NCBP2AS2: variants seen among roughly 807,000 people sequenced by gnomAD.
NCBP2AS2 encodes the protein protein NCBP2AS2.
For synonymous variants in NCBP2AS2, 67 were observed against 28.0 expected, an observed-to-expected ratio of 2.39 and a Z score of -4.40; for missense variants, 125 against 56.0, an observed-to-expected ratio of 2.23 and a Z score of -3.93.
At position 196,943,141 on chromosome 3, in the gene NCBP2AS2, A is replaced by C. The variant is rs541136966; in HGVS notation, c.*125A>C. On this transcript the variant is annotated 3_prime_UTR_variant, in exon 1 of 1. Coordinates refer to ENST00000602845, the MANE Select transcript of NCBP2AS2 (RefSeq NM_001355243.2). Reference sequence around the variant, plus strand: ...ATCCCGACTGGGATTGTTGGCCTGCAGACATCCCACGCATAAGAGCCTAGG... The same window carrying C: ...ATCCCGACTGGGATTGTTGGCCTGCCGACATCCCACGCATAAGAGCCTAGG... 1.9e-5 allele frequency: 11 copies of C among 588,970 alleles called. 1 individual carries two copies. In the South Asian group the frequency reaches 2.2e-4, roughly 12 times the overall value. The allele number at this position is 588,970 out of a possible 1,614,324, so 36.5% of individuals were successfully genotyped here.
chr3:196,942,867 C>G lies in NCBP2AS2; in HGVS notation c.151C>G (p.Leu51Val), dbSNP rs754372730. Residue 51 changes from leucine to valine, a missense_variant, in exon 1 of 1, where the codon CTG (leucine) becomes GTG (valine). Physicochemically the swap from Leu to Val is conservative, Grantham distance 32. Transcript: ENST00000602845. ...QLRGQDAARR[L>V]QDLAAGPVGS... ...GCGGGGCCAGGACGCGGCCCGCCGC[C>G]TGCAGGACCTCGCGGCTGGGCCCGT... The G allele has an allele frequency of 1.4e-6, 1 of 699,058 alleles. No individual in the cohort carries two copies. Among genetic ancestry groups the G allele is most frequent in the South Asian group, 1.5e-5 (1 of 67,350 alleles). The allele number at this position is 699,058 out of a possible 1,614,324, so 43.3% of individuals were successfully genotyped here.
Position 196,943,208 on chromosome 3 carries a change from C to T in NCBP2AS2, c.*192C>T. 4 of 458,158 alleles carry T rather than the reference C, an allele frequency of 8.7e-6. No individual in the cohort carries two copies. The highest frequency in any genetic ancestry group is 1.1e-5 in the Non-Finnish European group (3 of 284,432). The allele number at this position is 458,158 out of a possible 1,614,324, so 28.4% of individuals were successfully genotyped here. A position where few individuals can be genotyped will look rare whatever the true frequency, so the allele number is the denominator to read the frequency against. On this transcript the variant is annotated 3_prime_UTR_variant, in exon 1 of 1. Transcript: ENST00000602845. ...GTTGAAGTCTTGTGATTGGACAAGACACAGTGTGGAGACAGCCCTAAGCCT... is the reference window on the plus strand; with the variant it reads ...GTTGAAGTCTTGTGATTGGACAAGATACAGTGTGGAGACAGCCCTAAGCCT...
At position 196,942,688 on chromosome 3, in the gene NCBP2AS2, C is replaced by A. The variant is rs1287189238; in HGVS notation, c.-29C>A. 1 of 773,374 alleles carries A rather than the reference C, an allele frequency of 1.3e-6. No individual in the cohort carries two copies. 47.9% of individuals were successfully genotyped at this position (773,374 alleles called of 1,614,324 possible). A position where few individuals can be genotyped will look rare whatever the true frequency, so the allele number is the denominator to read the frequency against. ...GCCGCGGGGCGGAAGACGAGGGCGG[C>A]GAGGTCGGGTTCCGGGCGCTTGGAG... is the stretch of plus-strand genomic sequence containing the variant. On this transcript the variant is annotated 5_prime_UTR_variant, in exon 1 of 1. Transcript: ENST00000602845.
Position 196,943,348 on chromosome 3 carries a change from A to G in NCBP2AS2, c.*332A>G, listed in dbSNP as rs534856690. 3.9e-5 allele frequency: 12 copies of G among 305,424 alleles called. No individual in the cohort carries two copies. The highest frequency in any genetic ancestry group is 2.2e-4 in the South Asian group (5 of 22,426). The allele number at this position is 305,424 out of a possible 1,614,324, so 18.9% of individuals were successfully genotyped here. ...TGAAACTCTTGACAGATGCTGCTCA[A>G]TCTGACTGGTATAGCAGGACAGTTA... On this transcript the variant is annotated 3_prime_UTR_variant, in exon 1 of 1. Coordinates refer to ENST00000602845, the MANE Select transcript of NCBP2AS2 (RefSeq NM_001355243.2).
chr3:196,942,725 G>T lies in NCBP2AS2; in HGVS notation c.9G>T (p.Leu3=), dbSNP rs1355046216. Residue 3 remains leucine, a synonymous_variant, in exon 1 of 1, where the codon CTG becomes CTT. Coordinates refer to ENST00000602845, the MANE Select transcript of NCBP2AS2 (RefSeq NM_001355243.2). MV[L]RRLLAALLHS... Reference sequence around the variant, plus strand: ...CCGGGCGCTTGGAGAAGATGGTGCTGCGGCGGCTGCTGGCCGCCCTGCTGC... The same window carrying T: ...CCGGGCGCTTGGAGAAGATGGTGCTTCGGCGGCTGCTGGCCGCCCTGCTGC... 1.4e-6 allele frequency: 1 copy of T among 704,492 alleles called. No individual in the cohort carries two copies. Among genetic ancestry groups the T allele is most frequent in the African/African-American group, 1.8e-5 (1 of 56,584 alleles). 43.6% of individuals were successfully genotyped at this position (704,492 alleles called of 1,614,324 possible).
rs1560172733 is a variant in NCBP2AS2 at position 196,942,747 on chromosome 3, C to G, written c.31C>G (p.Leu11Val). 1.4e-6 allele frequency: 1 copy of G among 700,740 alleles called. No homozygotes were observed. The highest frequency in any genetic ancestry group is 1.5e-5 in the South Asian group (1 of 67,420). The allele number at this position is 700,740 out of a possible 1,614,324, so 43.4% of individuals were successfully genotyped here. MVLRRLLAAL[L>V]HSPQLVERLS... ...GCTGCGGCGGCTGCTGGCCGCCCTG[C>G]TGCACAGCCCGCAGCTGGTGGAACG... The change falls in exon 1 of 1, where the codon CTG (leucine) becomes GTG (valine). Residue 11 changes from leucine to valine, a missense_variant. Physicochemically the swap from Leu to Val is conservative, Grantham distance 32 (BLOSUM62 1). Coordinates refer to ENST00000602845, the MANE Select transcript of NCBP2AS2 (RefSeq NM_001355243.2).
In NCBP2AS2 at chr3:196,943,029, C is replaced by G; in HGVS notation, c.*13C>G. The G allele has an allele frequency of 1.5e-6, 1 of 662,198 alleles. No individual in the cohort carries two copies. Among genetic ancestry groups the G allele is most frequent in the Middle Eastern group, 2.9e-4 (1 of 3,500 alleles). The allele number at this position is 662,198 out of a possible 1,614,324, so 41.0% of individuals were successfully genotyped here. ...CGCAAACATTTAATCCTGGGCTGTGCGGGGCCGAGGCCGCTTGCTTTTCCT... is the reference window on the plus strand; with the variant it reads ...CGCAAACATTTAATCCTGGGCTGTGGGGGGCCGAGGCCGCTTGCTTTTCCT... On this transcript the variant is annotated 3_prime_UTR_variant, in exon 1 of 1. Transcript: ENST00000602845.
Position 196,943,350 on chromosome 3 carries a change from C to A in NCBP2AS2, c.*334C>A. ...AAACTCTTGACAGATGCTGCTCAAT[C>A]TGACTGGTATAGCAGGACAGTTAAT... On this transcript the variant is annotated 3_prime_UTR_variant, in exon 1 of 1. Transcript: ENST00000602845. 3.3e-6 allele frequency: 1 copy of A among 304,406 alleles called. No individual in the cohort carries two copies. Among genetic ancestry groups the A allele is most frequent in the South Asian group, 4.5e-5 (1 of 22,348 alleles). 18.9% of individuals were successfully genotyped at this position (304,406 alleles called of 1,614,324 possible). A position where few individuals can be genotyped will look rare whatever the true frequency, so the allele number is the denominator to read the frequency against.
At position 196,942,683 on chromosome 3, in the gene NCBP2AS2, G is replaced by A. The variant is rs775310341; in HGVS notation, c.-34G>A. 1.3e-6 allele frequency: 1 copy of A among 798,028 alleles called. No homozygotes were observed. The highest frequency in any genetic ancestry group is 2.1e-6 in the Non-Finnish European group (1 of 486,214). 49.4% of individuals were successfully genotyped at this position (798,028 alleles called of 1,614,324 possible). A position where few individuals can be genotyped will look rare whatever the true frequency, so the allele number is the denominator to read the frequency against. ...CGGGCGCCGCGGGGCGGAAGACGAG[G>A]GCGGCGAGGTCGGGTTCCGGGCGCT... is the stretch of plus-strand genomic sequence containing the variant. On this transcript the variant is annotated 5_prime_UTR_variant, in exon 1 of 1. Transcript: ENST00000602845.
In NCBP2AS2 at chr3:196,943,002, G is replaced by A; in HGVS notation, c.286G>A (p.Gly96Ser). The A allele has an allele frequency of 1.5e-6, 1 of 689,018 alleles. No individual in the cohort carries two copies. The highest frequency in any genetic ancestry group is 2.7e-5 in the East Asian group (1 of 36,498). 42.7% of individuals were successfully genotyped at this position (689,018 alleles called of 1,614,324 possible). Residue 96 changes from glycine (G) to serine (S), a missense_variant, in exon 1 of 1, where the codon GGC becomes AGC. Coordinates refer to ENST00000602845, the MANE Select transcript of NCBP2AS2 (RefSeq NM_001355243.2). ...GPPPGSQRGP[G>S]ANI ...ACCACCAGGTAGCCAGAGGGGCCCT[G>A]GCGCAAACATTTAATCCTGGGCTGT...
chr3:196,943,156 A>G lies in NCBP2AS2; in HGVS notation c.*140A>G, dbSNP rs1026664125. 1 of 582,194 alleles carries G rather than the reference A, an allele frequency of 1.7e-6. No homozygotes were observed. Among genetic ancestry groups the G allele is most frequent in the Non-Finnish European group, 3.0e-6 (1 of 332,756 alleles). 36.1% of individuals were successfully genotyped at this position (582,194 alleles called of 1,614,324 possible). On this transcript the variant is annotated 3_prime_UTR_variant, in exon 1 of 1. Coordinates refer to ENST00000602845, the MANE Select transcript of NCBP2AS2 (RefSeq NM_001355243.2). The stretch of plus-strand genomic sequence containing the variant: ...GTTGGCCTGCAGACATCCCACGCAT[A>G]AGAGCCTAGGCCAGACCGCCCGCTC...
At position 196,942,707 on chromosome 3, in the gene NCBP2AS2, C is replaced by CT. The variant is rs1716668895; in HGVS notation, c.-8dup. 1.4e-6 allele frequency: 1 copy of CT among 718,388 alleles called. No individual in the cohort carries two copies. Among genetic ancestry groups the CT allele is most frequent in the East Asian group, 2.7e-5 (1 of 37,082 alleles). The allele number at this position is 718,388 out of a possible 1,614,324, so 44.5% of individuals were successfully genotyped here. A position where few individuals can be genotyped will look rare whatever the true frequency, so the allele number is the denominator to read the frequency against. On this transcript the variant is annotated 5_prime_UTR_variant, in exon 1 of 1. Transcript: ENST00000602845. The stretch of plus-strand genomic sequence containing the variant: ...GGGCGGCGAGGTCGGGTTCCGGGCG[C>CT]TTGGAGAAGATGGTGCTGCGGCGGC...
Position 196,942,818 on chromosome 3 carries a change from C to T in NCBP2AS2, c.102C>T (p.Ala34=), listed in dbSNP as rs1447896652. Reference sequence around the variant, plus strand: ...TCCGACGTGCGGCGCAGCTCACGGCCTTCGCACTGCTGCAGGCCCAGCTGC... The same window carrying T: ...TCCGACGTGCGGCGCAGCTCACGGCTTTCGCACTGCTGCAGGCCCAGCTGC... ...RPIRRAAQLT[A]FALLQAQLRG... Residue 34 remains alanine, a synonymous_variant, in exon 1 of 1, where the codon GCC becomes GCT. Coordinates refer to ENST00000602845, the MANE Select transcript of NCBP2AS2 (RefSeq NM_001355243.2). 1 of 699,822 alleles carries T rather than the reference C, an allele frequency of 1.4e-6. No individual in the cohort carries two copies. Among genetic ancestry groups the T allele is most frequent in the Non-Finnish European group, 2.6e-6 (1 of 383,868 alleles). The allele number at this position is 699,822 out of a possible 1,614,324, so 43.4% of individuals were successfully genotyped here. A position where few individuals can be genotyped will look rare whatever the true frequency, so the allele number is the denominator to read the frequency against.
Position 196,943,012 on chromosome 3 carries a change from T to G in NCBP2AS2, c.296T>G (p.Ile99Ser). The change falls in exon 1 of 1, where the codon ATT (isoleucine) becomes AGT (serine). Residue 99 changes from isoleucine (I) to serine (S), a missense_variant. Ile to Ser is a moderately radical substitution (Grantham distance 142). Coordinates refer to ENST00000602845, the MANE Select transcript of NCBP2AS2 (RefSeq NM_001355243.2). ...PGSQRGPGAN[I>S] is the part of the protein sequence containing the mutation. ...AGCCAGAGGGGCCCTGGCGCAAACATTTAATCCTGGGCTGTGCGGGGCCGA... is the reference window on the plus strand; with the variant it reads ...AGCCAGAGGGGCCCTGGCGCAAACAGTTAATCCTGGGCTGTGCGGGGCCGA... The G allele has an allele frequency of 1.5e-6, 1 of 686,126 alleles. No individual in the cohort carries two copies. Among genetic ancestry groups the G allele is most frequent in the Non-Finnish European group, 2.6e-6 (1 of 380,286 alleles). 42.5% of individuals were successfully genotyped at this position (686,126 alleles called of 1,614,324 possible).
Position 196,942,940 on chromosome 3 carries a change from A to G in NCBP2AS2, c.224A>G (p.Gln75Arg). ...GAGCGATTTAGAGACGCCTTCACCC[A>G]GGAGCTACGCCGCGGCCTCCGAGGC... ...RAERFRDAFT[Q>R]ELRRGLRGRS... The change falls in exon 1 of 1, where the codon CAG becomes CGG. Residue 75 changes from glutamine to arginine, a missense_variant. Physicochemically the swap from Gln to Arg is conservative, Grantham distance 43. Transcript: ENST00000602845. The G allele has an allele frequency of 1.4e-6, 1 of 700,720 alleles. No homozygotes were observed. The highest frequency in any genetic ancestry group is 2.6e-6 in the Non-Finnish European group (1 of 384,208). The allele number at this position is 700,720 out of a possible 1,614,324, so 43.4% of individuals were successfully genotyped here.
Position 196,942,944 on chromosome 3 carries a change from G to T in NCBP2AS2, c.228G>T (p.Glu76Asp), listed in dbSNP as rs1716687652. The T allele has an allele frequency of 2.9e-6, 2 of 700,554 alleles. No homozygotes were observed. Among genetic ancestry groups the T allele is most frequent in the South Asian group, 3.0e-5 (2 of 67,336 alleles). 43.4% of individuals were successfully genotyped at this position (700,554 alleles called of 1,614,324 possible). ...GATTTAGAGACGCCTTCACCCAGGA[G>T]CTACGCCGCGGCCTCCGAGGCCGCT... is the stretch of plus-strand genomic sequence containing the variant. ...AERFRDAFTQELRRGLRGRSG... is the reference protein window; with the variant it reads ...AERFRDAFTQDLRRGLRGRSG... The change falls in exon 1 of 1, where the codon GAG becomes GAT. Residue 76 changes from glutamate to aspartate, a missense_variant. Glu to Asp is a conservative substitution (Grantham distance 45, BLOSUM62 2). Coordinates refer to ENST00000602845, the MANE Select transcript of NCBP2AS2 (RefSeq NM_001355243.2).
Position 196,943,141 on chromosome 3 carries a change from A to T in NCBP2AS2, c.*125A>T. The T allele has an allele frequency of 1.7e-6, 1 of 588,970 alleles. No homozygotes were observed. The highest frequency in any genetic ancestry group is 3.0e-6 in the Non-Finnish European group (1 of 336,242). 36.5% of individuals were successfully genotyped at this position (588,970 alleles called of 1,614,324 possible). On this transcript the variant is annotated 3_prime_UTR_variant, in exon 1 of 1. Coordinates refer to ENST00000602845, the MANE Select transcript of NCBP2AS2 (RefSeq NM_001355243.2). ...ATCCCGACTGGGATTGTTGGCCTGC[A>T]GACATCCCACGCATAAGAGCCTAGG...
At position 196,942,942 on chromosome 3, in the gene NCBP2AS2, G is replaced by T. The variant is rs1265993856; in HGVS notation, c.226G>T (p.Glu76Ter). The T allele has an allele frequency of 1.4e-6, 1 of 700,716 alleles. No homozygotes were observed. Among genetic ancestry groups the T allele is most frequent in the South Asian group, 1.5e-5 (1 of 67,350 alleles). The allele number at this position is 700,716 out of a possible 1,614,324, so 43.4% of individuals were successfully genotyped here. ...GCGATTTAGAGACGCCTTCACCCAG[G>T]AGCTACGCCGCGGCCTCCGAGGCCG... ...AERFRDAFTQ[E>*]LRRGLRGRSG... The change falls in exon 1 of 1, where the codon GAG becomes TAG. Residue 76 changes from glutamate to a stop codon, truncating the protein, a stop_gained. Coordinates refer to ENST00000602845, the MANE Select transcript of NCBP2AS2 (RefSeq NM_001355243.2). LOFTEE classifies it high-confidence loss of function.
rs1175068240 is a variant in NCBP2AS2 at position 196,943,120 on chromosome 3, C to G, written c.*104C>G. 1.7e-6 allele frequency: 1 copy of G among 600,362 alleles called. No homozygotes were observed. The highest frequency in any genetic ancestry group is 2.0e-5 in the African/African-American group (1 of 50,800). 37.2% of individuals were successfully genotyped at this position (600,362 alleles called of 1,614,324 possible). The stretch of plus-strand genomic sequence containing the variant: ...GGGCACTGCGCGCGGCTTCGAATCC[C>G]GACTGGGATTGTTGGCCTGCAGACA... On this transcript the variant is annotated 3_prime_UTR_variant, in exon 1 of 1. Transcript: ENST00000602845.
Sources: allele counts gnomAD v4.1 joint callset, GRCh38; gene constraint gnomAD v4.1.1; transcripts MANE v1.5; gene names NCBI Gene and HGNC (gene_info 2026-07-23, HGNC 2026-07-21).